The following LIN52 variants were observed in gnomAD, a reference collection of about 807,000 sequenced individuals.
The protein encoded by LIN52 is protein lin-52 homolog.
Under a neutral mutation model 18.5 loss-of-function variants are expected in LIN52, and 4 were observed. That is an observed-to-expected ratio of 0.22 (90% CI 0.11 to 0.49). LIN52 has a LOEUF of 0.49. LIN52 is among the 20% of genes least tolerant of loss of function. The pLI is 0.97. For missense variants in LIN52, 102 were observed against 139.5 expected (o/e 0.73, Z 1.35); for synonymous variants, 34 against 45.5 (o/e 0.75, Z 1.02).
At chr14:74,138,520 A>G (rs76238810) in intron 5 of LIN52, among the ~76,000 whole-genome samples, 4 of 152,158 alleles carry the variant, frequency 2.6e-5, no homozygotes, top group African/African-American at 9.7e-5. Flanking sequence ...TTGAAGGCCA[A>G]CGTGGCATGA....
rs1215000037 is a variant in LIN52 at position 74,112,519 on chromosome 14, C to T, written c.283+11281C>T. On this transcript the variant is annotated intron_variant, in intron 5 of 5. Transcript: ENST00000555028. ...TTAAGTTCTCTTGTCTCAATACTTTCCCCTACCAGTGACTTATCTTGTATC... is the reference window on the plus strand; with the variant it reads ...TTAAGTTCTCTTGTCTCAATACTTTTCCCTACCAGTGACTTATCTTGTATC... 2.0e-5 allele frequency among the ~76,000 whole-genome samples: 3 copies of T among 152,132 alleles called. No individual in the cohort carries two copies. In the East Asian group the frequency reaches 5.8e-4, roughly 29 times the overall value.
chr14:74,164,695 G>A (rs1265658497), intron 5 of LIN52, among the ~76,000 whole-genome samples: 2 of 152,122 alleles, frequency 1.3e-5, no homozygotes, highest in Non-Finnish European at 2.9e-5. Context: ...CTAATCTGGG[G>A]AATCTGATCA....
At chr14:74,188,314 A>C (rs911901042) in intron 5 of LIN52, among the ~76,000 whole-genome samples, 1 of 152,204 alleles carries the variant, frequency 6.6e-6, no homozygotes, top group African/African-American at 2.4e-5. Context: ...GATGCAAGTC[A>C]TACACAAAGT....
At chr14:74,165,513 C>CTTTTTTGTTTTTT (rs2061244970) in intron 5 of LIN52, among the ~76,000 whole-genome samples, 1 of 110,262 alleles carries the variant, frequency 9.1e-6, no homozygotes, top group Admixed American at 9.6e-5. Context: ...GTTTTCTTTT[C>CTTTTTTGTTTTTT]TTTTTTTTTT....
At chr14:74,185,455 C>T (rs2061337079) in intron 5 of LIN52, among the ~76,000 whole-genome samples, 1 of 151,438 alleles carries the variant, frequency 6.6e-6, no homozygotes, top group South Asian at 2.1e-4. Flanking sequence ...GCTGGGACTA[C>T]AGGCTCCGCC....
chr14:74,093,526 A>G (rs1332329297), intron 2 of LIN52, among the ~76,000 whole-genome samples: 1 of 150,966 alleles, frequency 6.6e-6, no homozygotes, highest in African/African-American at 2.4e-5. Flanking sequence ...AGGCTTCACC[A>G]TGTTGGACAG....
chr14:74,163,123 C>T (rs144574867), intron 5 of LIN52, among the ~76,000 whole-genome samples: 1 of 152,312 alleles, frequency 6.6e-6, no homozygotes, highest in Non-Finnish European at 1.5e-5. Context: ...GCTCTGTCTG[C>T]AGGCTTGGAG....
At chr14:74,099,005 A>T (rs2060835893) in intron 4 of LIN52, among the ~76,000 whole-genome samples, 1 of 152,214 alleles carries the variant, frequency 6.6e-6, no homozygotes, top group South Asian at 2.1e-4. Context: ...TTCTATAAAG[A>T]ATACTATAAG....
chr14:74,112,465 A>C (rs1490142560), intron 5 of LIN52, among the ~76,000 whole-genome samples: 1 of 152,012 alleles, frequency 6.6e-6, no homozygotes, highest in Non-Finnish European at 1.5e-5. Flanking sequence ...AATAGTTTTT[A>C]TATCTGCATA....
intron 4 of LIN52, among the ~76,000 whole-genome samples, chr14:74,100,095 G>C (rs765220431): frequency 5.3e-5 from 8 of 152,212 alleles, no homozygotes; most frequent in Non-Finnish European, 7.3e-5. Context: ...ATGGGGAATA[G>C]TAAGTGTTTT....
rs5809652 is a variant in LIN52, at chr14:74,180,262, A to ATTTTT, written c.284-18643_284-18639dup. 6.7e-5 allele frequency among the ~76,000 whole-genome samples: 8 copies of ATTTTT among 119,766 alleles called. 1 individual carries two copies. The highest frequency in any genetic ancestry group is 9.3e-5 in the Admixed American group (1 of 10,738). The allele number at this position is 119,766 out of a possible 152,430, so 78.6% of individuals were successfully genotyped here. On this transcript the variant is annotated intron_variant, in intron 5 of 5. Coordinates refer to ENST00000555028, the MANE Select transcript of LIN52 (RefSeq NM_001024674.3). ...TAAGCGCTCAAAGGAGGGAGGAGGA[A>ATTTTT]TTTTTTTTTTTTTTTTTTTTTGAGA...
chr14:74,124,933 T>G (rs747675100), intron 5 of LIN52, among the ~76,000 whole-genome samples: 2 of 151,516 alleles, frequency 1.3e-5, no homozygotes, highest in Non-Finnish European at 2.9e-5. Context: ...TTCATTAAAA[T>G]TAAAAACTTT....
intron 5 of LIN52, among the ~76,000 whole-genome samples, chr14:74,122,966 C>T (rs1305270910): frequency 6.6e-6 from 1 of 152,166 alleles, no homozygotes; most frequent in Non-Finnish European, 1.5e-5. Flanking sequence ...TGCAGGTGTT[C>T]CCTGACCACA....
intron 5 of LIN52, chr14:74,114,477 T>C (rs947470990): frequency 4.2e-6 from 4 of 955,754 alleles, no homozygotes; most frequent in Non-Finnish European, 3.7e-6. Context: ...TTGGAATTTT[T>C]AGGAGTAGGT....
At chr14:74,137,179 T>A (rs1030988396) in intron 5 of LIN52, among the ~76,000 whole-genome samples, 11 of 148,586 alleles carry the variant, frequency 7.4e-5, no homozygotes, top group Middle Eastern at 3.5e-3. Context: ...TATATTTTTT[T>A]AATCTATATT....
intron 5 of LIN52, among the ~76,000 whole-genome samples, chr14:74,130,101 G>A (rs951379827): frequency 5.3e-5 from 8 of 151,902 alleles, no homozygotes; most frequent in African/African-American, 1.5e-4. Context: ...AACTGCCCCC[G>A]TGATTCAGTT....
chr14:74,169,002 C>T (rs377456887), intron 5 of LIN52, among the ~76,000 whole-genome samples: 3 of 151,732 alleles, frequency 2.0e-5, no homozygotes, highest in Non-Finnish European at 4.4e-5. Context: ...TCCAGTGTGC[C>T]GAGATCACGC....
chr14:74,169,481 C>T (rs1179102641), intron 5 of LIN52, among the ~76,000 whole-genome samples: 1 of 152,178 alleles, frequency 6.6e-6, no homozygotes, highest in Non-Finnish European at 1.5e-5. Context: ...GTCTATTCCT[C>T]TTCCAACATC....
chr14:74,095,579 TTAAA>T (rs766046942), intron 2 of LIN52, among the ~76,000 whole-genome samples: 1 of 152,292 alleles, frequency 6.6e-6, no homozygotes, highest in African/African-American at 2.4e-5. Context: ...TGTGAGAAAT[TTAAA>T]TAAATAAAAT....
Sources: gnomAD v4.1 joint callset for allele counts (sites outside exome capture counted in the v4.1 genomes callset) on GRCh38, gnomAD v4.1.1 for gene constraint, MANE v1.5 for transcripts, NCBI Gene and HGNC (gene_info 2026-07-23, HGNC 2026-07-21) for gene names.